Variants in AKAP12 observed in about 807,000 individuals in gnomAD.
AKAP12 encodes A-kinase anchoring protein 12.
In AKAP12, 32 loss-of-function variants were observed where a neutral mutation model predicts 79.9. That is an observed-to-expected ratio of 0.40 (90% CI 0.30 to 0.54). The LOEUF (loss-of-function observed/expected upper bound fraction) is 0.54. Ranked by LOEUF, AKAP12 falls within the 20% of genes least tolerant of loss-of-function variation. AKAP12 has a pLI of 0.48. For missense variants in AKAP12, 2,074 were observed against 2,177.0 expected (o/e 0.95, Z 0.94); for synonymous variants, 808 against 857.0 (o/e 0.94, Z 1.00).
At chr6:151,290,608 CT>C (rs146195150) in intron 2 of AKAP12, among the ~76,000 whole-genome samples, 11,520 of 143,560 alleles carry the variant, frequency 0.08, 548 homozygotes, top group East Asian at 0.18. Context: ...TCACCAGATT[CT>C]TTTTTTTTTT....
chr6:151,351,503 C>T lies in AKAP12; in HGVS notation c.3112C>T (p.Arg1038Trp), dbSNP rs138220637. Residue 1038 changes from arginine (R) to tryptophan (W), a missense_variant, in exon 4 of 5, where the codon CGG becomes TGG. This residue lies in a region of AKAP12 where 1,428 missense variants were observed against 1,451.0 expected (regional missense o/e 0.98). Coordinates refer to ENST00000402676, the MANE Select transcript of AKAP12 (RefSeq NM_005100.4). This position sits in a 1 kb window ranked among gnomAD's most constrained non-coding sequence, Gnocchi z 4.4. ...ACCTGACATAGAAGAGCAAGAGAGG[C>T]GGACTCAAGAGGTCCTCCAGGCAGT... ...GVPDIEEQER[R>W]TQEVLQAVAE... The T allele has an allele frequency of 7.8e-4, 1,261 of 1,614,126 alleles. No homozygotes were observed. Among genetic ancestry groups the T allele is most frequent in the Non-Finnish European group, 9.6e-4 (1,136 of 1,180,022 alleles).
intron 3 of AKAP12, among the ~76,000 whole-genome samples, chr6:151,332,247 A>G (rs938446954): frequency 2.0e-5 from 3 of 151,864 alleles, no homozygotes; most frequent in Non-Finnish European, 4.4e-5. Context: ...CGTGTTAGCC[A>G]GGATGGTCTC....
Position 151,240,391 on chromosome 6 carries a change from C to G in AKAP12, c.-172C>G. ...TTTTCCTTTTCTTTTAAGGAGTTTG[C>G]CGCGAGCGCGTCTCCTTCATTCGCA... On this transcript the variant is annotated 5_prime_UTR_variant, in exon 2 of 5. Coordinates refer to ENST00000402676, the MANE Select transcript of AKAP12 (RefSeq NM_005100.4). The G allele has an allele frequency of 1.7e-6, 1 of 583,324 alleles. No homozygotes were observed. Among genetic ancestry groups the G allele is most frequent in the Admixed American group, 4.4e-5 (1 of 22,536 alleles). 36.1% of individuals were successfully genotyped at this position (583,324 alleles called of 1,614,324 possible).
rs779026708 is a variant in AKAP12 at position 151,350,923 on chromosome 6, G to A, written c.2532G>A (p.Pro844=). 1.5e-5 allele frequency: 25 copies of A among 1,613,906 alleles called. No homozygotes were observed. In the Admixed American group the frequency reaches 4.0e-4, roughly 26 times the overall value. ...CCAACGAAGATGACTCTGATGTCCC[G>A]GCCGTGGTCCCTCTGTCTGAGTATG... The part of the protein sequence containing the change: ...TGANEDDSDV[P]AVVPLSEYDA... Residue 844 remains proline, a synonymous_variant, in exon 4 of 5, where the codon CCG becomes CCA. Coordinates refer to ENST00000402676, the MANE Select transcript of AKAP12 (RefSeq NM_005100.4). This position sits in a 1 kb window ranked among gnomAD's most constrained non-coding sequence, Gnocchi z 4.8.
chr6:151,310,896 A>G (rs555415442), intron 3 of AKAP12, among the ~76,000 whole-genome samples: 4 of 152,340 alleles, frequency 2.6e-5, no homozygotes, highest in East Asian at 1.9e-4. Context: ...TGTGAAAACC[A>G]GCTTTTCTCC....
chr6:151,253,189 TGTAAA>T lies in AKAP12; in HGVS notation c.162+12469_162+12473del, dbSNP rs1797219883. 2.0e-5 allele frequency among the ~76,000 whole-genome samples: 3 copies of T among 152,190 alleles called. No individual in the cohort carries two copies. The South Asian group carries it at 6.2e-4, about 32-fold the overall frequency. The stretch of plus-strand genomic sequence containing the variant: ...CATTGGCTCCTAGTTTTCTTCACTC[TGTAAA>T]GTATATTTTGTTGTGATACGTAAGA... On this transcript the variant is annotated intron_variant, in intron 2 of 4. Coordinates refer to ENST00000402676, the MANE Select transcript of AKAP12 (RefSeq NM_005100.4).
Position 151,352,778 on chromosome 6 carries a change from G to T in AKAP12, c.4387G>T (p.Asp1463Tyr), listed in dbSNP as rs1243201654. The part of the protein sequence containing the change: ...LEEKSSEKNE[D>Y]FAAHPGEDAV... ...AGAGAAATCCTCTGAAAAAAATGAA[G>T]ACTTTGCCGCTCATCCAGGGGAAGA... is the stretch of plus-strand genomic sequence containing the variant. The change falls in exon 4 of 5, where the codon GAC (aspartate) becomes TAC (tyrosine). Residue 1463 changes from aspartate (D) to tyrosine (Y), a missense_variant. Coordinates refer to ENST00000402676, the MANE Select transcript of AKAP12 (RefSeq NM_005100.4). 2.5e-6 allele frequency: 4 copies of T among 1,614,036 alleles called. No homozygotes were observed. The highest frequency in any genetic ancestry group is 3.4e-6 in the Non-Finnish European group (4 of 1,180,042).
intron 3 of AKAP12, among the ~76,000 whole-genome samples, chr6:151,335,283 G>T (rs1475461064): frequency 2.0e-5 from 3 of 152,040 alleles, no homozygotes; most frequent in Non-Finnish European, 4.4e-5. Flanking sequence ...TTTGGAATTG[G>T]CAAAAAGTAA....
intron 2 of AKAP12, among the ~76,000 whole-genome samples, chr6:151,271,818 C>T (rs1176361227): frequency 1.3e-5 from 2 of 151,662 alleles, no homozygotes; most frequent in African/African-American, 4.8e-5. Context: ...TGCCACCACG[C>T]CCAGCTAATT....
At chr6:151,320,775 C>T (rs1009682266) in intron 3 of AKAP12, among the ~76,000 whole-genome samples, 18 of 152,170 alleles carry the variant, frequency 1.2e-4, no homozygotes, top group African/African-American at 4.3e-4. Flanking sequence ...TTCGGTGCCA[C>T]CATCCCCTGC....
intron 3 of AKAP12, among the ~76,000 whole-genome samples, chr6:151,328,056 G>C (rs185150673): frequency 6.6e-6 from 1 of 152,174 alleles, no homozygotes; most frequent in African/African-American, 2.4e-5. Context: ...AACCGGGCGC[G>C]GTGGCTCACG....
chr6:151,243,828 A>G (rs1447782095), intron 2 of AKAP12, among the ~76,000 whole-genome samples: 1 of 152,134 alleles, frequency 6.6e-6, no homozygotes, highest in Non-Finnish European at 1.5e-5. Flanking sequence ...CACACTTCAC[A>G]TTATTCCTTA....
intron 3 of AKAP12, among the ~76,000 whole-genome samples, chr6:151,334,030 G>A (rs2114798034): frequency 6.6e-6 from 1 of 152,172 alleles, no homozygotes; most frequent in Non-Finnish European, 1.5e-5. Flanking sequence ...AGCACTTTGG[G>A]AGGCTGAGGT....
rs764352757 is a variant in AKAP12, at chr6:151,349,458, C to G, written c.1067C>G (p.Ala356Gly). The G allele has an allele frequency of 2.5e-6, 4 of 1,606,382 alleles. No individual in the cohort carries two copies. Among genetic ancestry groups the G allele is most frequent in the African/African-American group, 1.4e-5 (1 of 73,902 alleles). Residue 356 changes from alanine to glycine, a missense_variant, in exon 4 of 5, where the codon GCC becomes GGC. Ala to Gly is a moderately conservative substitution (Grantham distance 60, BLOSUM62 0). This residue lies in a region of AKAP12 where 1,428 missense variants were observed against 1,451.0 expected (regional missense o/e 0.98). Coordinates refer to ENST00000402676, the MANE Select transcript of AKAP12 (RefSeq NM_005100.4). The part of the protein sequence containing the change: ...ASEKLTASEQ[A>G]HPQEPAESAH... ...GAGAAACTGACCGCCTCCGAGCAAG[C>G]CCACCCACAGGAGCCGGCAGAAAGT...
chr6:151,337,524 A>G (rs9397046), intron 3 of AKAP12, among the ~76,000 whole-genome samples: 5,014 of 129,840 alleles, frequency 0.039, 158 homozygotes, highest in East Asian at 0.15. Flanking sequence ...AAAAAAAAAA[A>G]AAAGAAAGAA....
At chr6:151,260,606 C>T (rs1013075619) in intron 2 of AKAP12, among the ~76,000 whole-genome samples, 6 of 152,150 alleles carry the variant, frequency 3.9e-5, no homozygotes, top group East Asian at 1.9e-4. Flanking sequence ...TCTCCCAGCC[C>T]GTCATGGTTT....
intron 2 of AKAP12, among the ~76,000 whole-genome samples, chr6:151,252,740 A>G (rs1797208592): frequency 6.7e-6 from 1 of 150,230 alleles, no homozygotes; most frequent in African/African-American, 2.5e-5. Flanking sequence ...GGGAAAAAAA[A>G]AAAAAAAAAA....
chr6:151,261,241 G>A (rs989393088), intron 2 of AKAP12, among the ~76,000 whole-genome samples: 7 of 151,764 alleles, frequency 4.6e-5, no homozygotes, highest in African/African-American at 9.7e-5. Flanking sequence ...TTAGCTGGGC[G>A]TGGTGGTGGG....
chr6:151,285,336 A>C (rs1269835747), intron 2 of AKAP12, among the ~76,000 whole-genome samples: 1 of 151,168 alleles, frequency 6.6e-6, no homozygotes, highest in East Asian at 1.9e-4. Flanking sequence ...TTTGCTATTG[A>C]ACTATTTTTT....
Sources: gnomAD v4.1 joint callset for allele counts (sites outside exome capture counted in the v4.1 genomes callset) on GRCh38, gnomAD v4.1.1 for gene constraint, gnomAD v4.1.1 regional missense constraint, Gnocchi (gnomAD v3.1) non-coding constraint, MANE v1.5 for transcripts, NCBI Gene and HGNC (gene_info 2026-07-23, HGNC 2026-07-21) for gene names.